Variants in EPB41L3 observed in about 807,000 individuals in gnomAD.
EPB41L3 encodes band 4.1-like protein 3.
EPB41L3 carries 57 observed loss-of-function variants against 127.1 expected under a neutral mutation model. That is an observed-to-expected ratio of 0.45 (90% CI 0.36 to 0.56). EPB41L3 has a LOEUF of 0.56. Ranked by LOEUF, EPB41L3 falls within the 20% of genes least tolerant of loss-of-function variation. The pLI is 0.00. For missense variants in EPB41L3, 1,273 were observed against 1,372.2 expected (o/e 0.93, Z 1.14); for synonymous variants, 572 against 549.5 (o/e 1.04, Z -0.57).
intron 3 of EPB41L3, among the ~76,000 whole-genome samples, chr18:5,566,090 A>G (rs1330764178): frequency 6.6e-6 from 1 of 152,186 alleles, no homozygotes; most frequent in Non-Finnish European, 1.5e-5. Flanking sequence ...CTCCTATTCA[A>G]CATGGTGTTG....
intron 3 of EPB41L3, among the ~76,000 whole-genome samples, chr18:5,567,661 G>A (rs1202086608): frequency 6.6e-6 from 1 of 152,118 alleles, no homozygotes; most frequent in African/African-American, 2.4e-5. Flanking sequence ...AGGAAGGAAG[G>A]AAGGGAGGGG....
chr18:5,418,619 T>G (rs920298081), intron 12 of EPB41L3, among the ~76,000 whole-genome samples: 2 of 152,164 alleles, frequency 1.3e-5, no homozygotes, highest in African/African-American at 4.8e-5. Context: ...TATCGAAATA[T>G]CCCTGCCATT....
chr18:5,458,022 G>A (rs915070892), intron 3 of EPB41L3, among the ~76,000 whole-genome samples: 5 of 152,134 alleles, frequency 3.3e-5, no homozygotes, highest in African/African-American at 1.2e-4. Flanking sequence ...CGGGCATCGA[G>A]CAGAAACATT....
chr18:5,490,723 A>G (rs2090488502), intron 1 of EPB41L3, among the ~76,000 whole-genome samples: 1 of 152,188 alleles, frequency 6.6e-6, no homozygotes, highest in Non-Finnish European at 1.5e-5. Context: ...TTTCTTTTGT[A>G]TGCTTATCCT....
At chr18:5,435,098 A>G (rs1317076659) in intron 6 of EPB41L3, among the ~76,000 whole-genome samples, 1 of 152,236 alleles carries the variant, frequency 6.6e-6, no homozygotes, top group African/African-American at 2.4e-5. Context: ...AAAATAGAAA[A>G]AAACTCACAG....
At chr18:5,480,961 A>T (rs1020619255) in intron 2 of EPB41L3, 2 of 152,068 alleles carry the variant, frequency 1.3e-5, no homozygotes, top group Admixed American at 6.5e-5. Context: ...TTTGAAGATT[A>T]AAAAAAACAA....
intron 2 of EPB41L3, among the ~76,000 whole-genome samples, chr18:5,612,943 G>A (rs1318374119): frequency 6.6e-6 from 1 of 152,170 alleles, no homozygotes; most frequent in Non-Finnish European, 1.5e-5. Context: ...GTTTCACCAT[G>A]TTGGCCAGGC....
At position 5,404,357 on chromosome 18, in the gene EPB41L3, A is replaced by C. The variant is rs188815029; in HGVS notation, c.2349+2420T>G. Among the ~76,000 whole-genome samples the C allele has an allele frequency of 2.8e-4, 42 of 152,316 alleles. No individual in the cohort carries two copies. In the East Asian group the frequency reaches 6.4e-3, roughly 23 times the overall value. On this transcript the variant is annotated intron_variant, in intron 16 of 22. Coordinates refer to ENST00000341928, the MANE Select transcript of EPB41L3 (RefSeq NM_012307.5). The stretch of plus-strand genomic sequence containing the variant: ...GAGGGACTACAAAACAACCCTGCAG[A>C]CGCTGAAAGCAGTGAGTATGCCAGC...
At chr18:5,528,976 C>G (rs1044148546) in intron 1 of EPB41L3, 1 of 152,152 alleles carries the variant, frequency 6.6e-6, no homozygotes, top group African/African-American at 2.4e-5. Context: ...AATACAGCTG[C>G]ACTATTTCTG....
intron 1 of EPB41L3, among the ~76,000 whole-genome samples, chr18:5,500,941 CA>C (rs1405838114): frequency 1.3e-5 from 2 of 151,986 alleles, no homozygotes; most frequent in Admixed American, 6.5e-5. Flanking sequence ...TGCAGGTCCC[CA>C]AAACTAGTCA....
At position 5,417,005 on chromosome 18, in the gene EPB41L3, A is replaced by G. The variant is rs146466513; in HGVS notation, c.1507-627T>C. 5.2e-3 allele frequency among the ~76,000 whole-genome samples: 798 copies of G among 152,304 alleles called. 4 individuals are homozygous for G. Among genetic ancestry groups the G allele is most frequent in the South Asian group, 0.03 (143 of 4,826 alleles). ...GGGATTCGACAGTTAGCATTTCTGAATATCTCACTCCTCAGAAAAGAACTG... is the reference window on the plus strand; with the variant it reads ...GGGATTCGACAGTTAGCATTTCTGAGTATCTCACTCCTCAGAAAAGAACTG... On this transcript the variant is annotated intron_variant, in intron 12 of 22. Coordinates refer to ENST00000341928, the MANE Select transcript of EPB41L3 (RefSeq NM_012307.5).
intron 3 of EPB41L3, among the ~76,000 whole-genome samples, chr18:5,463,119 T>G (rs1178466100): frequency 6.6e-6 from 1 of 152,212 alleles, no homozygotes; most frequent in Non-Finnish European, 1.5e-5. Context: ...CTCTACCTCA[T>G]TGCCAATTGC....
chr18:5,445,064 A>C, intron 4 of EPB41L3, 76 bp downstream of exon 4: 1 of 1,056,824 alleles, frequency 9.5e-7, no homozygotes, highest in Non-Finnish European at 1.5e-6. Context: ...TGATCCACCC[A>C]TTCAGTTTCA....
upstream of EPB41L3, among the ~76,000 whole-genome samples, chr18:5,547,552 G>A (rs1173067897): frequency 1.3e-5 from 2 of 152,060 alleles, no homozygotes; most frequent in Middle Eastern, 3.2e-3. Context: ...CTTTCTCTAC[G>A]CTAATCTTAT....
At chr18:5,532,842 A>T (rs965773007) in intron 1 of EPB41L3, among the ~76,000 whole-genome samples, 2 of 152,124 alleles carry the variant, frequency 1.3e-5, no homozygotes, top group Non-Finnish European at 2.9e-5. Flanking sequence ...AATATGACCG[A>T]ATAAAATGCT....
chr18:5,468,857 A>T (rs913736475), intron 3 of EPB41L3, among the ~76,000 whole-genome samples: 9 of 152,218 alleles, frequency 5.9e-5, no homozygotes, highest in Non-Finnish European at 1.5e-5. Context: ...TGGAGATTTC[A>T]GTGAGCTGAG....
At chr18:5,587,212 G>A (rs752489869) in intron 3 of EPB41L3, among the ~76,000 whole-genome samples, 3 of 152,106 alleles carry the variant, frequency 2.0e-5, no homozygotes, top group Non-Finnish European at 4.4e-5. Context: ...TCAAATGACC[G>A]TGGGCGTTAG....
chr18:5,518,758 G>A (rs2092858432), intron 1 of EPB41L3, among the ~76,000 whole-genome samples: 1 of 152,168 alleles, frequency 6.6e-6, no homozygotes, highest in Non-Finnish European at 1.5e-5. Context: ...TGTAGAGATT[G>A]GTGAGGTCAG....
Position 5,443,858 on chromosome 18 carries a change from T to G in EPB41L3, c.509A>C (p.Glu170Ala). The stretch of plus-strand genomic sequence containing the variant: ...CTTACTTCGAACCTGTTTTTTTATT[T>G]CCTTAGCAGGGTCCAACCAATTCTG... ...NQKNWLDPAK[E>A]IKKQVRSGAW... The change falls in exon 5 of 23, where the codon GAA becomes GCA. Residue 170 changes from glutamate to alanine, a missense_variant. This residue lies in a region of EPB41L3 where 326 missense variants were observed against 440.2 expected (regional missense o/e 0.74). Transcript: ENST00000341928. 1 of 1,609,180 alleles carries G rather than the reference T, an allele frequency of 6.2e-7. No homozygotes were observed. The highest frequency in any genetic ancestry group is 8.5e-7 in the Non-Finnish European group (1 of 1,178,524).
Sources: gnomAD v4.1 joint callset for allele counts (sites outside exome capture counted in the v4.1 genomes callset) on GRCh38, gnomAD v4.1.1 for gene constraint, gnomAD v4.1.1 regional missense constraint, MANE v1.5 for transcripts, NCBI Gene and HGNC (gene_info 2026-07-23, HGNC 2026-07-21) for gene names.